The following SLC35F3 variants were observed in gnomAD, a reference collection of about 807,000 sequenced individuals.
SLC35F3 encodes solute carrier family 35 member F3, also known as putative thiamine transporter SLC35F3.
A neutral mutation model predicts 49.9 loss-of-function variants in SLC35F3; 25 were observed. The observed-to-expected ratio is 0.50, with a 90% CI of 0.37 to 0.70. The LOEUF (loss-of-function observed/expected upper bound fraction) is 0.70, where lower values mean the gene tolerates loss of function less well. Among genes scored for constraint, SLC35F3 ranks in the 30% least tolerant of loss-of-function variants. The pLI, the probability that SLC35F3 is intolerant of heterozygous loss-of-function variation, is 0.00. For synonymous variants in SLC35F3, 275 were observed against 265.4 expected (o/e 1.04, Z -0.35); for missense variants, 525 against 639.8 (o/e 0.82, Z 1.94).
intron 2 of SLC35F3, among the ~76,000 whole-genome samples, chr1:233,933,387 C>T (rs1313972164): frequency 6.6e-6 from 1 of 152,048 alleles, no homozygotes; most frequent in Non-Finnish European, 1.5e-5. Flanking sequence ...CTCCCTCTGC[C>T]ATCCTGGCTG....
intron 2 of SLC35F3, among the ~76,000 whole-genome samples, chr1:233,910,289 G>A (rs75641656): frequency 0.043 from 6,557 of 152,292 alleles, 312 homozygotes; most frequent in East Asian, 0.2. Flanking sequence ...TCAAAGACCA[G>A]GAAAAATCTG....
intron 2 of SLC35F3, among the ~76,000 whole-genome samples, chr1:234,090,007 T>C (rs1433613110): frequency 6.6e-6 from 1 of 152,234 alleles, no homozygotes; most frequent in Non-Finnish European, 1.5e-5. Flanking sequence ...TTTAAGTACA[T>C]GGAAAGGTAG....
intron 3 of SLC35F3, among the ~76,000 whole-genome samples, chr1:234,264,734 G>A (rs903177775): frequency 6.6e-6 from 1 of 152,084 alleles, no homozygotes; most frequent in Admixed American, 6.5e-5. Context: ...TAAATTTTTT[G>A]TAGAGATGGG....
At chr1:233,947,620 A>G (rs960283314) in intron 2 of SLC35F3, among the ~76,000 whole-genome samples, 7 of 150,852 alleles carry the variant, frequency 4.6e-5, no homozygotes, top group African/African-American at 1.7e-4. Flanking sequence ...AAAATTATCT[A>G]AAAAACAGGG....
At chr1:233,932,034 A>G (rs1039544507) in intron 2 of SLC35F3, among the ~76,000 whole-genome samples, 2 of 152,198 alleles carry the variant, frequency 1.3e-5, no homozygotes, top group African/African-American at 4.8e-5. Context: ...TGAGCAAACT[A>G]TCACAAGAGC....
intron 2 of SLC35F3, among the ~76,000 whole-genome samples, chr1:234,210,566 G>A (rs536857240): frequency 5.3e-5 from 8 of 152,244 alleles, no homozygotes; most frequent in Non-Finnish European, 1.0e-4. Flanking sequence ...GAGCAAAGGT[G>A]ACTCTTGGCA....
intron 2 of SLC35F3, among the ~76,000 whole-genome samples, chr1:233,987,865 T>C (rs958445482): frequency 5.9e-5 from 9 of 152,312 alleles, no homozygotes; most frequent in African/African-American, 1.7e-4. Flanking sequence ...ACCCTTCTAT[T>C]TATTTCTTCC....
chr1:234,140,002 A>AATAAAATAAAATAAAATAAAAAAAAAAAT, intron 2 of SLC35F3, among the ~76,000 whole-genome samples: 3 of 105,364 alleles, frequency 2.8e-5, no homozygotes, highest in Non-Finnish European at 7.1e-5. Flanking sequence ...AATAAAATAA[A>AATAAAATAAAATAAAATAAAAAAAAAAAT]GTAAGTGACT....
At chr1:234,271,569 A>C (rs1369726756) in intron 3 of SLC35F3, among the ~76,000 whole-genome samples, 1 of 152,336 alleles carries the variant, frequency 6.6e-6, no homozygotes, top group East Asian at 1.9e-4. Flanking sequence ...CATCAGGGAA[A>C]ATGTAAAAGG....
Position 233,957,660 on chromosome 1 carries a change from C to T in SLC35F3, c.283+51902C>T, listed in dbSNP as rs763143186. On this transcript the variant is annotated intron_variant, in intron 2 of 7. Coordinates refer to ENST00000366618, the MANE Select transcript of SLC35F3 (RefSeq NM_173508.4). The surrounding 1 kb of genome is among the most constrained non-coding windows in gnomAD (Gnocchi z 4.0). Reference sequence around the variant, plus strand: ...TGAAAGCTCGTCTCTAATTAAAGTACAAAAATTAGTTAGGCATGGTGGTGG... The same window carrying T: ...TGAAAGCTCGTCTCTAATTAAAGTATAAAAATTAGTTAGGCATGGTGGTGG... Among the ~76,000 whole-genome samples, 6 of 152,036 alleles carry T rather than the reference C, an allele frequency of 3.9e-5. No homozygotes were observed. The highest frequency in any genetic ancestry group is 8.8e-5 in the Non-Finnish European group (6 of 68,010).
At chr1:234,136,648 A>G (rs1311946382) in intron 2 of SLC35F3, among the ~76,000 whole-genome samples, 1 of 152,264 alleles carries the variant, frequency 6.6e-6, no homozygotes, top group Non-Finnish European at 1.5e-5. Flanking sequence ...ACTTTCTTAC[A>G]CAAAATAACT....
At chr1:234,037,139 G>T (rs1664154293) in intron 2 of SLC35F3, among the ~76,000 whole-genome samples, 1 of 152,158 alleles carries the variant, frequency 6.6e-6, no homozygotes, top group Non-Finnish European at 1.5e-5. Flanking sequence ...TCACAATTCT[G>T]TAGGCTGTAC....
intron 2 of SLC35F3, among the ~76,000 whole-genome samples, chr1:234,055,347 T>C (rs2102859713): frequency 6.6e-6 from 1 of 152,262 alleles, no homozygotes; most frequent in South Asian, 2.1e-4. Flanking sequence ...TACTCAAGCC[T>C]CAGCAATGGC....
At chr1:234,091,325 C>T (rs528784906) in intron 2 of SLC35F3, among the ~76,000 whole-genome samples, 1 of 152,196 alleles carries the variant, frequency 6.6e-6, no homozygotes, top group African/African-American at 2.4e-5. Context: ...CTTTAATGGA[C>T]AAAAACCAAG....
chr1:234,225,179 TC>T (rs892724077), intron 2 of SLC35F3, among the ~76,000 whole-genome samples: 2 of 151,886 alleles, frequency 1.3e-5, no homozygotes, highest in South Asian at 2.1e-4. Flanking sequence ...TCTGCAAGTC[TC>T]CCCCCCTTTC....
At position 234,293,587 on chromosome 1, in the gene SLC35F3, C is replaced by A. The variant is rs532717962; in HGVS notation, c.609-15514C>A. Reference sequence around the variant, plus strand: ...ATCAGCATGTGCCATGGAAATCCATCCAGCTCTAAAGTCTATGCTGTTGGT... The same window carrying A: ...ATCAGCATGTGCCATGGAAATCCATACAGCTCTAAAGTCTATGCTGTTGGT... On this transcript the variant is annotated intron_variant, in intron 3 of 7. Coordinates refer to ENST00000366618, the MANE Select transcript of SLC35F3 (RefSeq NM_173508.4). 5.3e-4 allele frequency among the ~76,000 whole-genome samples: 81 copies of A among 152,320 alleles called. 2 individuals carry two copies. The South Asian group carries it at 0.017, about 32-fold the overall frequency.
intron 2 of SLC35F3, among the ~76,000 whole-genome samples, chr1:233,955,380 A>G (rs1021839361): frequency 2.6e-4 from 39 of 152,110 alleles, no homozygotes; most frequent in African/African-American, 9.4e-4. Context: ...CCCCCAGCGT[A>G]TGCCCCAATC....
chr1:234,039,263 A>T (rs1664186605), intron 2 of SLC35F3, among the ~76,000 whole-genome samples: 1 of 152,206 alleles, frequency 6.6e-6, no homozygotes, highest in African/African-American at 2.4e-5. Context: ...ATAGAAAGAA[A>T]ATCCAGACAG....
intron 3 of SLC35F3, among the ~76,000 whole-genome samples, chr1:234,248,268 T>C (rs545014078): frequency 7.3e-5 from 11 of 150,194 alleles, no homozygotes; most frequent in African/African-American, 2.7e-4. Flanking sequence ...GTTTGATGGG[T>C]CAGTTGGCTG....
Sources: allele counts gnomAD v4.1 joint callset (sites outside exome capture counted in the v4.1 genomes callset), GRCh38; gene constraint gnomAD v4.1.1; non-coding constraint Gnocchi (gnomAD v3.1); transcripts MANE v1.5; gene names NCBI Gene and HGNC (gene_info 2026-07-23, HGNC 2026-07-21).